LCOR: variants seen among roughly 807,000 people sequenced by gnomAD.
The protein encoded by LCOR is ligand-dependent corepressor.
LCOR carries 14 observed loss-of-function variants against 64.4 expected under a neutral mutation model. The ratio of observed to expected loss-of-function variants is 0.22; its 90% CI spans 0.14 to 0.34. The LOEUF (loss-of-function observed/expected upper bound fraction) is 0.34. LCOR is among the 10% of genes least tolerant of loss of function. LCOR has a pLI of 1.00. For synonymous variants in LCOR, 643 were observed against 642.5 expected, an observed-to-expected ratio of 1.00 and a Z score of -0.01; for missense variants, 1,686 against 1,765.3, an observed-to-expected ratio of 0.96 and a Z score of 0.80.
intron 2 of LCOR, among the ~76,000 whole-genome samples, chr10:96,883,468 C>T (rs1846295527): frequency 6.6e-6 from 1 of 152,182 alleles, no homozygotes; most frequent in Non-Finnish European, 1.5e-5. Flanking sequence ...TGTACAATTT[C>T]GCATTTCTGA....
At chr10:96,940,321 T>A (rs1847430409) in intron 4 of LCOR, among the ~76,000 whole-genome samples, 1 of 144,530 alleles carries the variant, frequency 6.9e-6, no homozygotes, top group African/African-American at 2.6e-5. Context: ...TTTTTTTTTT[T>A]TTTTTTTTTT....
At chr10:96,979,064 G>C (rs2134560611) in intron 7 of LCOR, among the ~76,000 whole-genome samples, 1 of 152,304 alleles carries the variant, frequency 6.6e-6, no homozygotes, top group East Asian at 1.9e-4. Context: ...TTTCCACTGT[G>C]ACCCCACTGC....
chr10:96,965,925 A>T (rs1847945015), intron 7 of LCOR, among the ~76,000 whole-genome samples: 1 of 152,040 alleles, frequency 6.6e-6, no homozygotes, highest in Non-Finnish European at 1.5e-5. Context: ...CAGTAATAAG[A>T]TTACAGTTTA....
At chr10:96,849,648 C>A (rs1490274692) in intron 2 of LCOR, among the ~76,000 whole-genome samples, 1 of 152,124 alleles carries the variant, frequency 6.6e-6, no homozygotes, top group African/African-American at 2.4e-5. Flanking sequence ...TGCAGGTGCA[C>A]AACATACAGT....
chr10:96,898,303 G>A (rs953649907), intron 2 of LCOR, among the ~76,000 whole-genome samples: 16 of 152,142 alleles, frequency 1.1e-4, no homozygotes, highest in Non-Finnish European at 1.8e-4. Flanking sequence ...CTCAAGTGGC[G>A]TGGAAGCATT....
At chr10:96,851,063 A>T (rs1408818198) in intron 2 of LCOR, among the ~76,000 whole-genome samples, 1 of 152,216 alleles carries the variant, frequency 6.6e-6, no homozygotes, top group African/African-American at 2.4e-5. Flanking sequence ...GTTTTCAAGG[A>T]GTGAATTTCT....
chr10:96,920,811 G>C (rs1214817590), intron 4 of LCOR, among the ~76,000 whole-genome samples: 1 of 149,650 alleles, frequency 6.7e-6, no homozygotes, highest in African/African-American at 2.5e-5. Context: ...GGGGGTGGTG[G>C]GCGGGAGACA....
chr10:96,938,502 T>C (rs1011182575), intron 4 of LCOR, among the ~76,000 whole-genome samples: 4 of 151,708 alleles, frequency 2.6e-5, no homozygotes, highest in African/African-American at 9.7e-5. Context: ...TCTCACCATG[T>C]ACATCCACCG....
At chr10:96,904,066 G>A (rs1312162129) in intron 2 of LCOR, among the ~76,000 whole-genome samples, 1 of 152,166 alleles carries the variant, frequency 6.6e-6, no homozygotes, top group African/African-American at 2.4e-5. Context: ...TCAAGCAACA[G>A]TCTTGAGAAT....
chr10:96,978,925 C>T (rs768827646), intron 7 of LCOR, among the ~76,000 whole-genome samples: 4 of 152,230 alleles, frequency 2.6e-5, no homozygotes, highest in Non-Finnish European at 5.9e-5. Flanking sequence ...TACTGACATT[C>T]AGTCCCAACT....
chr10:96,927,708 A>G (rs1290334871), intron 4 of LCOR, among the ~76,000 whole-genome samples: 1 of 152,170 alleles, frequency 6.6e-6, no homozygotes, highest in Non-Finnish European at 1.5e-5. Flanking sequence ...CCATTTGTTG[A>G]AAAGACTGTC....
At chr10:96,903,774 C>G (rs1476094456) in intron 2 of LCOR, among the ~76,000 whole-genome samples, 1 of 152,060 alleles carries the variant, frequency 6.6e-6, no homozygotes, top group Non-Finnish European at 1.5e-5. Context: ...AGTCTTCTAT[C>G]TTCTGTTTTC....
intron 4 of LCOR, among the ~76,000 whole-genome samples, chr10:96,927,822 T>C (rs766064855): frequency 2.0e-5 from 3 of 152,356 alleles, no homozygotes; most frequent in Admixed American, 6.5e-5. Context: ...ATAATGTGGA[T>C]TGGGTTCCAG....
At chr10:96,833,844 GAGA>G (rs1418360660) in intron 2 of LCOR, among the ~76,000 whole-genome samples, 2 of 152,152 alleles carry the variant, frequency 1.3e-5, no homozygotes, top group African/African-American at 2.4e-5. Context: ...TTCATGCGGT[GAGA>G]AGTTCTCTTT....
chr10:96,885,631 C>T (rs1005892249), intron 2 of LCOR, among the ~76,000 whole-genome samples: 14 of 145,942 alleles, frequency 9.6e-5, no homozygotes, highest in African/African-American at 3.3e-4. Context: ...CTCCTGGGCT[C>T]AAGTGATTCC....
At position 96,985,389 on chromosome 10, in the gene LCOR, G is replaced by A. The variant is rs986658131; in HGVS notation, c.*255G>A. 17 of 372,146 alleles carry A rather than the reference G, an allele frequency of 4.6e-5. No individual in the cohort carries two copies. The highest frequency in any genetic ancestry group is 2.1e-4 in the South Asian group (2 of 9,372). 23.1% of individuals were successfully genotyped at this position (372,146 alleles called of 1,614,324 possible). A position where few individuals can be genotyped will look rare whatever the true frequency, so the allele number is the denominator to read the frequency against. ...TTAAACTTGGAACCAAGCAGTTTTC[G>A]TTTTTAAAAGTACAGTGCCTTATTT... is the stretch of plus-strand genomic sequence containing the variant. On this transcript the variant is annotated 3_prime_UTR_variant, in exon 8 of 8. Transcript: ENST00000421806.
rs988376265 is a variant in LCOR, at chr10:96,986,876, C to T, written c.*1742C>T. On this transcript the variant is annotated 3_prime_UTR_variant, in exon 8 of 8. Coordinates refer to ENST00000421806, the MANE Select transcript of LCOR (RefSeq NM_001346516.2). ...CCAGATGGACTTTTTTCATGCAAAT[C>T]ATGATAATACAGGCCTTCTACCCAT... The T allele has an allele frequency of 6.6e-6, 1 of 152,190 alleles. No individual in the cohort carries two copies. The highest frequency in any genetic ancestry group is 2.4e-5 in the African/African-American group (1 of 41,448). The allele number at this position is 152,190 out of a possible 1,614,324, so 9.4% of individuals were successfully genotyped here.
chr10:96,911,779 A>G (rs1370245570), intron 4 of LCOR, among the ~76,000 whole-genome samples: 2 of 152,168 alleles, frequency 1.3e-5, no homozygotes, highest in Admixed American at 1.3e-4. Context: ...TTTCTGTTTT[A>G]TGGGCATAAA....
At chr10:96,894,243 C>T (rs2134436627) in intron 2 of LCOR, among the ~76,000 whole-genome samples, 1 of 152,280 alleles carries the variant, frequency 6.6e-6, no homozygotes, top group East Asian at 1.9e-4. Flanking sequence ...AGGCACATGC[C>T]ACCACGCCCA....
Sources: gnomAD v4.1 joint callset for allele counts (sites outside exome capture counted in the v4.1 genomes callset) on GRCh38, gnomAD v4.1.1 for gene constraint, MANE v1.5 for transcripts, NCBI Gene and HGNC (gene_info 2026-07-23, HGNC 2026-07-21) for gene names.